The following SPG11 variants were observed in gnomAD, a reference collection of about 807,000 sequenced individuals.
SPG11 encodes the protein SPG11 vesicle trafficking associated, spatacsin.
A neutral mutation model predicts 274.0 loss-of-function variants in SPG11; 222 were observed. The observed-to-expected ratio is 0.81, with a 90% CI of 0.73 to 0.91. The LOEUF is 0.91. Ranked by LOEUF, SPG11 falls within the 40% of genes least tolerant of loss-of-function variation. SPG11 has a pLI of 0.00. For missense variants in SPG11, 3,114 were observed against 2,872.7 expected (o/e 1.08, Z -1.92); for synonymous variants, 1,144 against 1,039.7 (o/e 1.10, Z -1.93).
In SPG11 at chr15:44,562,765, A is replaced by G; in HGVS notation, c.*356T>C. 4.5e-6 allele frequency: 1 copy of G among 221,784 alleles called. No individual in the cohort carries two copies. Among genetic ancestry groups the G allele is most frequent in the Non-Finnish European group, 9.1e-6 (1 of 110,114 alleles). 13.7% of individuals were successfully genotyped at this position (221,784 alleles called of 1,614,324 possible). A position where few individuals can be genotyped will look rare whatever the true frequency, so the allele number is the denominator to read the frequency against. ...AATGAAAATGTATCACCTGTTCCTT[A>G]ACTGTGTAAATAATAATTAAATTTC... On this transcript the variant is annotated 3_prime_UTR_variant, in exon 40 of 40. Transcript: ENST00000261866.
intron 23 of SPG11, 161 bp from the exon 24 acceptor site, chr15:44,597,104 T>C (rs1443400533): frequency 3.1e-6 from 2 of 639,928 alleles, no homozygotes; most frequent in African/African-American, 1.9e-5. Context: ...TTGAAAAAAG[T>C]AGATTCTTTT....
chr15:44,620,336 A>T lies in SPG11; in HGVS notation c.2688T>A (p.Ile896=). 6.2e-7 allele frequency: 1 copy of T among 1,614,140 alleles called. No individual in the cohort carries two copies. The highest frequency in any genetic ancestry group is 8.5e-7 in the Non-Finnish European group (1 of 1,180,006). Residue 896 remains isoleucine (I), a synonymous_variant, in exon 15 of 40, where the codon ATT becomes ATA. Coordinates refer to ENST00000261866, the MANE Select transcript of SPG11 (RefSeq NM_025137.4). ...TTTGAAATTCTCCAATCCATAAGAT[A>T]ATGTTTAACCAATCATGGCGAGCTG... ...YLTARHDWLN[I]ILWIGEFQTQ...
rs115653161 is a variant in SPG11, at chr15:44,655,404, G to C, written c.869+1691C>G. On this transcript the variant is annotated intron_variant, in intron 4 of 39. Coordinates refer to ENST00000261866, the MANE Select transcript of SPG11 (RefSeq NM_025137.4). ...AATGCTGGAAGTGCTCCCAAGTAGA[G>C]AAAAGTCATGACATTGTAAGAAAAA... 5.9e-3 allele frequency among the ~76,000 whole-genome samples: 896 copies of C among 152,274 alleles called. 17 individuals are homozygous for C. Among genetic ancestry groups the C allele is most frequent in the African/African-American group, 0.021 (854 of 41,542 alleles).
chr15:44,612,143 T>G (rs2083476133), intron 17 of SPG11, among the ~76,000 whole-genome samples: 1 of 152,134 alleles, frequency 6.6e-6, no homozygotes, highest in African/African-American at 2.4e-5. Flanking sequence ...TGTGGGAAAA[T>G]TCTGTTATAA....
chr15:44,660,709 A>G lies in SPG11; in HGVS notation c.258-93T>C, dbSNP rs561862117. On this transcript the variant is annotated intron_variant, in intron 1 of 39. Coordinates refer to ENST00000261866, the MANE Select transcript of SPG11 (RefSeq NM_025137.4). Reference sequence around the variant, plus strand: ...TAGAAGGGTTGAATAAGTAGAGAACAGTTTAGTTGACCTGGTATAGTCATT... The same window carrying G: ...TAGAAGGGTTGAATAAGTAGAGAACGGTTTAGTTGACCTGGTATAGTCATT... 3.0e-4 allele frequency: 358 copies of G among 1,177,324 alleles called. 1 individual carries two copies. In the African/African-American group the frequency reaches 5.1e-3, roughly 17 times the overall value. 72.9% of individuals were successfully genotyped at this position (1,177,324 alleles called of 1,614,324 possible).
intron 15 of SPG11, among the ~76,000 whole-genome samples, chr15:44,619,905 A>C (rs1474792538): frequency 1.3e-5 from 2 of 151,980 alleles, no homozygotes; most frequent in African/African-American, 4.8e-5. Context: ...TTGTAGAGAC[A>C]GGGTTTCACC....
Position 44,595,322 on chromosome 15 carries a change from C to G in SPG11, c.4572G>C (p.Trp1524Cys). The G allele has an allele frequency of 6.2e-7, 1 of 1,614,190 alleles. No homozygotes were observed. Residue 1524 changes from tryptophan (W) to cysteine (C), a missense_variant, in exon 26 of 40, where the codon TGG becomes TGC. Trp to Cys is a radical substitution (Grantham distance 215). Transcript: ENST00000261866. ...TWNLEDLSVI[W>C]RTLLTRQKSK... ...TCTTTTGTCTTGTTAATAATGTTCT[C>G]CAGATGACTGAAAGATCCTCAAGGT...
chr15:44,636,925 CAAAAAA>C (rs370928375), intron 7 of SPG11, among the ~76,000 whole-genome samples: 1 of 19,454 alleles, frequency 5.1e-5, no homozygotes, highest in African/African-American at 3.1e-4. Context: ...GACTCCATCT[CAAAAAA>C]AAAAAAAAAA....
chr15:44,624,697 C>G (rs1256035292), intron 11 of SPG11, among the ~76,000 whole-genome samples: 1 of 152,120 alleles, frequency 6.6e-6, no homozygotes, highest in Non-Finnish European at 1.5e-5. Flanking sequence ...ACACACATAA[C>G]TATGTGAGGT....
At chr15:44,604,063 C>T in intron 20 of SPG11, 1 of 393,394 alleles carries the variant, frequency 2.5e-6, no homozygotes, top group South Asian at 1.8e-5. Context: ...AAAGACAACA[C>T]TGTGATCTGG....
At chr15:44,618,562 A>G (rs2141020836) in intron 15 of SPG11, among the ~76,000 whole-genome samples, 1 of 150,118 alleles carries the variant, frequency 6.7e-6, no homozygotes, top group East Asian at 2.0e-4. Context: ...TCACGCCTGT[A>G]ATCCCAGCAC....
rs1385795629 is a variant in SPG11 at position 44,611,023 on chromosome 15, G to T, written c.3146-38C>A. On this transcript the variant is annotated intron_variant, in intron 17 of 39. Transcript: ENST00000261866. Reference sequence around the variant, plus strand: ...AGACAGTGTTTTTCTCCTTAAGAGGGATAAATACTAAATTAAGGATTACAT... The same window carrying T: ...AGACAGTGTTTTTCTCCTTAAGAGGTATAAATACTAAATTAAGGATTACAT... The T allele has an allele frequency of 2.7e-6, 4 of 1,504,192 alleles. No individual in the cohort carries two copies. In the East Asian group the frequency reaches 8.5e-5, roughly 32 times the overall value. 93.2% of individuals were successfully genotyped at this position (1,504,192 alleles called of 1,614,324 possible).
At chr15:44,574,867 T>C (rs2082500512) in intron 31 of SPG11, 35 bp downstream of exon 31, 22 of 1,612,690 alleles carry the variant, frequency 1.4e-5, no homozygotes, top group Non-Finnish European at 1.7e-5. Flanking sequence ...TTTCCCTCCC[T>C]CTCAGAAAGA....
rs1430100305 is a variant in SPG11 at position 44,573,597 on chromosome 15, A to G, written c.6155T>C (p.Leu2052Pro). ...QGLKPDTVAE[L>P]VAEEVTRELL... ...CTCCCGTGTCACCTCTTCTGCCACG[A>G]GTTCAGCCACAGTATCTGGCTTAAG... Residue 2052 changes from leucine to proline, a missense_variant, in exon 32 of 40, where the codon CTC (leucine) becomes CCC (proline). Leu to Pro is a moderately conservative substitution (Grantham distance 98). Transcript: ENST00000261866. The G allele has an allele frequency of 1.1e-5, 17 of 1,614,060 alleles. No individual in the cohort carries two copies. Among genetic ancestry groups the G allele is most frequent in the Non-Finnish European group, 1.4e-5 (16 of 1,180,052 alleles).
In SPG11 at chr15:44,598,741, AG is replaced by A. The variant is rs1203033107; in HGVS notation, c.3781del (p.Gly1262AlafsTer11). On this transcript the variant is annotated frameshift_variant, in exon 22 of 40. Transcript: ENST00000261866. LOFTEE classifies it high-confidence loss of function. ...TCTGAGCTTGAGGCTGTCAAGGCCAAGCAATTCTAAGAAACAAACACATGCA... is the reference window on the plus strand; with the variant it reads ...TCTGAGCTTGAGGCTGTCAAGGCCAACAATTCTAAGAAACAAACACATGCA... Reference protein sequence around the residue: ...GAACVCFLELLGLDSLKLRVD... With the variant: ...GAACVCFLELXGLDSLKLRVD... 6.2e-7 allele frequency: 1 copy of A among 1,614,246 alleles called. No individual in the cohort carries two copies. Among genetic ancestry groups the A allele is most frequent in the South Asian group, 1.1e-5 (1 of 91,088 alleles).
At chr15:44,660,096 T>C (rs1251052391) in intron 2 of SPG11, among the ~76,000 whole-genome samples, 2 of 151,982 alleles carry the variant, frequency 1.3e-5, no homozygotes, top group Admixed American at 1.3e-4. Context: ...TAAATAAAAT[T>C]TTCTGGTAGC....
At chr15:44,593,301 C>T (rs2082949731) in intron 26 of SPG11, among the ~76,000 whole-genome samples, 1 of 152,060 alleles carries the variant, frequency 6.6e-6, no homozygotes, top group South Asian at 2.1e-4. Context: ...AGGTGATCCT[C>T]CCACCTCAGC....
chr15:44,599,310 T>A (rs983027770), intron 21 of SPG11, among the ~76,000 whole-genome samples: 2 of 152,094 alleles, frequency 1.3e-5, no homozygotes, highest in Non-Finnish European at 2.9e-5. Context: ...TTTATTATTA[T>A]TTTTTTGAGA....
intron 29 of SPG11, 41 bp downstream of exon 29, chr15:44,585,595 C>T (rs750067885): frequency 6.7e-7 from 1 of 1,500,560 alleles, no homozygotes; most frequent in Non-Finnish European, 9.2e-7. Context: ...GAGCAAGACC[C>T]CGTATCTAAA....
Sources: gnomAD v4.1 joint callset for allele counts (sites outside exome capture counted in the v4.1 genomes callset) on GRCh38, gnomAD v4.1.1 for gene constraint, MANE v1.5 for transcripts, NCBI Gene and HGNC (gene_info 2026-07-23, HGNC 2026-07-21) for gene names.